The following BPIFB6 variants were observed in gnomAD, a reference collection of about 807,000 sequenced individuals.
BPIFB6 encodes BPI fold-containing family B member 6.
BPIFB6 carries 47 observed loss-of-function variants against 54.7 expected under a neutral mutation model. That is an observed-to-expected ratio of 0.86 (90% CI 0.68 to 1.10). The LOEUF (loss-of-function observed/expected upper bound fraction) is 1.10, where lower values mean the gene tolerates loss of function less well. Among genes scored for constraint, BPIFB6 ranks in the 50% least tolerant of loss-of-function variants. BPIFB6 has a pLI of 0.00. For synonymous variants in BPIFB6, 255 were observed against 225.9 expected (o/e 1.13, Z -1.16); for missense variants, 603 against 564.1 (o/e 1.07, Z -0.70).
chr20:33,035,708 A>G, intron 6 of BPIFB6, 36 bp downstream of exon 6: 1 of 1,590,874 alleles, frequency 6.3e-7, no homozygotes, highest in Middle Eastern at 1.7e-4. Context: ...GCCCCTACCT[A>G]GGGATATCAG....
At position 33,038,434 on chromosome 20, in the gene BPIFB6, T is replaced by C. The variant is rs185173718; in HGVS notation, c.847-475T>C. 5.9e-5 allele frequency among the ~76,000 whole-genome samples: 9 copies of C among 152,142 alleles called. No individual in the cohort carries two copies. In the East Asian group the frequency reaches 1.5e-3, roughly 26 times the overall value. ...ACTCCACCATATTCCCATCCACTCATCCTCCTATCCACCATTCCTGTCATT... is the reference window on the plus strand; with the variant it reads ...ACTCCACCATATTCCCATCCACTCACCCTCCTATCCACCATTCCTGTCATT... On this transcript the variant is annotated intron_variant, in intron 8 of 14. Coordinates refer to ENST00000349552, the MANE Select transcript of BPIFB6 (RefSeq NM_174897.2).
chr20:33,038,243 A>T (rs1410681251), intron 8 of BPIFB6, among the ~76,000 whole-genome samples: 1 of 152,094 alleles, frequency 6.6e-6, no homozygotes, highest in Non-Finnish European at 1.5e-5. Flanking sequence ...TCGTCCACTC[A>T]TTCAGCCATC....
intron 13 of BPIFB6, 111 bp from the exon 14 acceptor site, chr20:33,043,180 G>A: frequency 1.1e-6 from 1 of 938,006 alleles, no homozygotes; most frequent in Non-Finnish European, 1.7e-6. Flanking sequence ...ACAGCTGGCA[G>A]GCATCATGAA....
At chr20:33,038,839 C>G (rs2146366747) in intron 8 of BPIFB6, 70 bp from the exon 9 acceptor site, 1 of 1,411,398 alleles carries the variant, frequency 7.1e-7, no homozygotes, top group East Asian at 2.3e-5. Context: ...CTTGTTAAGT[C>G]AGTGGAGATG....
rs781474083 is a variant in BPIFB6, at chr20:33,037,525, G to A, written c.670-37G>A. On this transcript the variant is annotated intron_variant, in intron 7 of 14. Transcript: ENST00000349552. ...GACACTCCTGGCCAACATCCCTCTC[G>A]GCCAAGGCTGAGTGTCTCCCTCCTG... 15 of 1,573,178 alleles carry A rather than the reference G, an allele frequency of 9.5e-6. No individual in the cohort carries two copies. The South Asian group carries it at 1.2e-4, about 12-fold the overall frequency.
chr20:33,042,919 C>T, intron 13 of BPIFB6, 41 bp downstream of exon 13: 2 of 1,585,340 alleles, frequency 1.3e-6, no homozygotes, highest in African/African-American at 1.3e-5. Flanking sequence ...TGCCAAGAAG[C>T]ACTTTAAGCA....
At chr20:33,034,689 T>C in intron 3 of BPIFB6, 74 bp from the exon 4 acceptor site, 11 of 1,502,470 alleles carry the variant, frequency 7.3e-6, no homozygotes, top group Non-Finnish European at 9.9e-6. Flanking sequence ...GCTCAGATTG[T>C]GAGCAAAGAG....
chr20:33,033,592 A>G (rs1979196379), intron 2 of BPIFB6: 1 of 456,854 alleles, frequency 2.2e-6, no homozygotes, highest in Non-Finnish European at 4.4e-6. Flanking sequence ...GTCTGCCAAG[A>G]GCTCAGGATG....
At chr20:33,038,173 T>C (rs1390073224) in intron 8 of BPIFB6, among the ~76,000 whole-genome samples, 1 of 152,148 alleles carries the variant, frequency 6.6e-6, no homozygotes, top group Non-Finnish European at 1.5e-5. Context: ...TGTATGCACC[T>C]GCCATGTACC....
At position 33,035,669 on chromosome 20, in the gene BPIFB6, A is replaced by G. The variant is rs778747101; in HGVS notation, c.574A>G (p.Ser192Gly). ...TGTGAACAGGAAGTGGACCAACCTC[A>G]GTGGTGAGTGTAGCCCTACCCACAC... ...VYVNRKWTNL[S>G]DPMPVGQMGT... Residue 192 changes from serine (S) to glycine (G), a missense_variant, in exon 6 of 15, where the codon AGT (serine) becomes GGT (glycine). Physicochemically the swap from Ser to Gly is moderately conservative, Grantham distance 56 (BLOSUM62 0). Transcript: ENST00000349552. The G allele has an allele frequency of 3.7e-6, 6 of 1,613,908 alleles. No homozygotes were observed. The highest frequency in any genetic ancestry group is 4.2e-6 in the Non-Finnish European group (5 of 1,179,902).
downstream of BPIFB6, chr20:33,044,093 C>A (rs984372266): frequency 6.2e-7 from 1 of 1,611,842 alleles, no homozygotes; most frequent in Non-Finnish European, 8.5e-7. Flanking sequence ...CACCAACCAC[C>A]TGCACCCCAT....
At chr20:33,035,270 T>A (rs1000319663) in intron 5 of BPIFB6, 126 bp downstream of exon 5, 6 of 985,208 alleles carry the variant, frequency 6.1e-6, no homozygotes, top group Middle Eastern at 2.1e-4. Context: ...GTTCTGAGAC[T>A]GTGGCTGGCT....
intron 6 of BPIFB6, 121 bp downstream of exon 6, chr20:33,035,793 T>C (rs1217950704): frequency 1.1e-5 from 11 of 1,043,096 alleles, no homozygotes; most frequent in East Asian, 9.7e-5. Flanking sequence ...AGAGGAGGCT[T>C]GAGGTCATGA....
At position 33,036,215 on chromosome 20, in the gene BPIFB6, G is replaced by A. The variant is rs955765336; in HGVS notation, c.578-230G>A. 3.3e-5 allele frequency among the ~76,000 whole-genome samples: 5 copies of A among 152,184 alleles called. No homozygotes were observed. In the South Asian group the frequency reaches 1.0e-3, roughly 32 times the overall value. On this transcript the variant is annotated intron_variant, in intron 6 of 14. Coordinates refer to ENST00000349552, the MANE Select transcript of BPIFB6 (RefSeq NM_174897.2). Reference sequence around the variant, plus strand: ...CAGTCTGTTGCAAGGTCCAAGCAGTGATGGCCTTTGGTGAACTCTCAAGCT... The same window carrying A: ...CAGTCTGTTGCAAGGTCCAAGCAGTAATGGCCTTTGGTGAACTCTCAAGCT...
chr20:33,042,044 C>G (rs181117173), intron 12 of BPIFB6, 29 bp downstream of exon 12: 2 of 1,605,986 alleles, frequency 1.2e-6, no homozygotes, highest in African/African-American at 2.7e-5. Flanking sequence ...CTTGCCTGTC[C>G]GGCGTGAGGA....
intron 6 of BPIFB6, 66 bp downstream of exon 6, chr20:33,035,738 C>T: frequency 2.7e-6 from 4 of 1,501,792 alleles, no homozygotes; most frequent in Non-Finnish European, 1.9e-6. Flanking sequence ...ACTTTGATGT[C>T]CCATTCCCCA....
intron 11 of BPIFB6, among the ~76,000 whole-genome samples, chr20:33,041,139 G>A (rs1484917540): frequency 5.9e-5 from 9 of 151,952 alleles, no homozygotes; most frequent in African/African-American, 9.7e-5. Flanking sequence ...ACAGGCGCCC[G>A]CCACCACGCC....
chr20:33,039,163 C>T (rs555275857), intron 9 of BPIFB6, among the ~76,000 whole-genome samples, 184 bp from the exon 10 acceptor site: 11 of 152,310 alleles, frequency 7.2e-5, no homozygotes, highest in Admixed American at 5.2e-4. Flanking sequence ...ACTTTCTGTC[C>T]AATAGAGAAT....
intron 11 of BPIFB6, among the ~76,000 whole-genome samples, chr20:33,041,496 G>C: frequency 6.6e-6 from 1 of 152,184 alleles, no homozygotes; most frequent in Non-Finnish European, 1.5e-5. Context: ...AATGGAGGAT[G>C]TGTTACTGGA....
Sources: gnomAD v4.1 joint callset for allele counts (sites outside exome capture counted in the v4.1 genomes callset) on GRCh38, gnomAD v4.1.1 for gene constraint, MANE v1.5 for transcripts, NCBI Gene and HGNC (gene_info 2026-07-23, HGNC 2026-07-21) for gene names.